The following PTPRD variants were observed in gnomAD, a reference collection of about 807,000 sequenced individuals.
PTPRD encodes receptor-type tyrosine-protein phosphatase delta.
Under a neutral mutation model 214.5 loss-of-function variants are expected in PTPRD, and 34 were observed. The ratio of observed to expected loss-of-function variants is 0.16; its 90% confidence interval spans 0.12 to 0.21. The LOEUF (loss-of-function observed/expected upper bound fraction) is 0.21, where lower values mean the gene tolerates loss of function less well. PTPRD is among the 10% of genes least tolerant of loss of function. PTPRD has a pLI of 1.00. For synonymous variants in PTPRD, 1,128 were observed against 845.7 expected (o/e 1.33, Z -5.79); for missense variants, 2,545 against 2,398.7 (o/e 1.06, Z -1.27).
intron 2 of PTPRD, among the ~76,000 whole-genome samples, chr9:10,537,227 C>G (rs2058037840): frequency 6.6e-6 from 1 of 152,130 alleles, no homozygotes. Context: ...TTTAAAAAAT[C>G]TAAGTGGCTT....
chr9:10,290,969 A>G (rs2095509000), intron 3 of PTPRD, among the ~76,000 whole-genome samples: 1 of 151,780 alleles, frequency 6.6e-6, no homozygotes, highest in Non-Finnish European at 1.5e-5. Flanking sequence ...ATATTGACCC[A>G]TCTAACAGTC....
At chr9:8,452,912 G>C (rs909344373) in intron 33 of PTPRD, among the ~76,000 whole-genome samples, 6 of 152,196 alleles carry the variant, frequency 3.9e-5, no homozygotes, top group African/African-American at 9.6e-5. Context: ...CATGTGAGAA[G>C]AGGCTTTTGA....
At chr9:10,401,138 G>A (rs1394637587) in intron 2 of PTPRD, among the ~76,000 whole-genome samples, 3 of 151,476 alleles carry the variant, frequency 2.0e-5, no homozygotes, top group African/African-American at 7.3e-5. Flanking sequence ...CCAATTTTTA[G>A]TTAGAAACTT....
At position 8,494,754 on chromosome 9, in the gene PTPRD, G is replaced by A. The variant is rs17565011; in HGVS notation, c.2350-1775C>T. 3.9e-3 allele frequency among the ~76,000 whole-genome samples: 596 copies of A among 152,254 alleles called. 1 individual carries two copies. Among genetic ancestry groups the A allele is most frequent in the South Asian group, 0.023 (110 of 4,824 alleles). ...ACAGACATAACGCAATTTGAAATGC[G>A]TCAAGTTCCCTGCAGTGGTATAATC... On this transcript the variant is annotated intron_variant, in intron 26 of 45. Coordinates refer to ENST00000381196, the MANE Select transcript of PTPRD (RefSeq NM_002839.4).
chr9:9,942,122 T>C (rs1223991634), intron 4 of PTPRD, among the ~76,000 whole-genome samples: 2 of 152,098 alleles, frequency 1.3e-5, no homozygotes, highest in Non-Finnish European at 2.9e-5. Context: ...CCTCCATGCT[T>C]CCCATTTCCC....
chr9:8,611,402 G>A (rs1463091978), intron 14 of PTPRD, among the ~76,000 whole-genome samples: 2 of 152,102 alleles, frequency 1.3e-5, no homozygotes, highest in Non-Finnish European at 2.9e-5. Context: ...TGGAAAGAAA[G>A]GGGAATAAAA....
chr9:10,493,990 A>G (rs957129882), intron 2 of PTPRD, among the ~76,000 whole-genome samples: 3 of 151,942 alleles, frequency 2.0e-5, no homozygotes, highest in African/African-American at 7.2e-5. Flanking sequence ...ATTAATCTTT[A>G]TGTTTCTTAT....
At chr9:8,981,068 C>T (rs530310834) in intron 11 of PTPRD, among the ~76,000 whole-genome samples, 10 of 152,138 alleles carry the variant, frequency 6.6e-5, no homozygotes, top group African/African-American at 9.6e-5. Context: ...ACCTCGCTAA[C>T]GGAATTTCTT....
At chr9:9,590,505 A>G (rs964414197) in intron 7 of PTPRD, among the ~76,000 whole-genome samples, 3 of 152,056 alleles carry the variant, frequency 2.0e-5, no homozygotes, top group Non-Finnish European at 4.4e-5. Context: ...CTGTATTCTT[A>G]TTTCTAATGT....
intron 9 of PTPRD, among the ~76,000 whole-genome samples, chr9:9,389,644 C>T (rs2065113923): frequency 6.6e-6 from 1 of 152,134 alleles, no homozygotes; most frequent in Admixed American, 6.6e-5. Flanking sequence ...AATATATATT[C>T]ATGTGTATTA....
intron 10 of PTPRD, among the ~76,000 whole-genome samples, chr9:9,050,410 A>G (rs540797337): frequency 1.3e-3 from 193 of 152,258 alleles, no homozygotes; most frequent in African/African-American, 4.4e-3. Context: ...ATTATATTAC[A>G]TGGTCTCTCA....
chr9:8,448,436 T>C (rs976079646), intron 34 of PTPRD, among the ~76,000 whole-genome samples: 1 of 152,186 alleles, frequency 6.6e-6, no homozygotes, highest in African/African-American at 2.4e-5. Context: ...TGAAATTTAC[T>C]ACAGTAACTT....
chr9:9,683,364 G>GC (rs748955049), intron 7 of PTPRD, among the ~76,000 whole-genome samples: 7 of 151,702 alleles, frequency 4.6e-5, no homozygotes, highest in Admixed American at 1.3e-4. Context: ...TTTGTCAGCT[G>GC]AACAGTATGG....
At chr9:9,454,864 T>C (rs115393738) in intron 8 of PTPRD, among the ~76,000 whole-genome samples, 1,829 of 151,360 alleles carry the variant, frequency 0.012, 26 homozygotes, top group African/African-American at 0.042. Flanking sequence ...TATATATATA[T>C]ACATATTATG....
At chr9:8,443,229 A>G (rs2095607902) in intron 34 of PTPRD, among the ~76,000 whole-genome samples, 1 of 152,240 alleles carries the variant, frequency 6.6e-6, no homozygotes, top group Non-Finnish European at 1.5e-5. Flanking sequence ...GTTTCTTTAT[A>G]TCAGAAATTT....
intron 27 of PTPRD, 73 bp downstream of exon 27, chr9:8,492,789 G>A: frequency 9.6e-7 from 1 of 1,046,076 alleles, no homozygotes. Flanking sequence ...ATAAAAGCCT[G>A]CTAGAAGCTA....
chr9:9,665,069 G>A (rs890597941), intron 7 of PTPRD, among the ~76,000 whole-genome samples: 2 of 151,610 alleles, frequency 1.3e-5, no homozygotes, highest in Non-Finnish European at 3.0e-5. Context: ...TTGTATTAAG[G>A]AGAATGATAC....
intron 3 of PTPRD, among the ~76,000 whole-genome samples, chr9:10,263,799 G>A (rs1213424284): frequency 6.6e-6 from 1 of 152,260 alleles, no homozygotes; most frequent in East Asian, 1.9e-4. Flanking sequence ...CGTCCCTAGG[G>A]CATGTCAGAG....
intron 11 of PTPRD, among the ~76,000 whole-genome samples, chr9:8,791,462 G>A (rs1056606776): frequency 2.3e-4 from 35 of 150,196 alleles, no homozygotes; most frequent in African/African-American, 5.2e-4. Context: ...CTGACCTCAC[G>A]ATCTGCCCAC....
Sources: gnomAD v4.1 joint callset for allele counts (sites outside exome capture counted in the v4.1 genomes callset) on GRCh38, gnomAD v4.1.1 for gene constraint, MANE v1.5 for transcripts, NCBI Gene and HGNC (gene_info 2026-07-23, HGNC 2026-07-21) for gene names.